The following ERMN variants were observed in gnomAD, a reference collection of about 807,000 sequenced individuals.
ERMN encodes ermin.
A neutral mutation model predicts 21.4 loss-of-function variants in ERMN; 17 were observed. The ratio of observed to expected loss-of-function variants is 0.80; its 90% CI spans 0.54 to 1.19. The LOEUF (loss-of-function observed/expected upper bound fraction) is 1.19, where lower values mean the gene tolerates loss of function less well. Among genes scored for constraint, ERMN ranks in the 50% most tolerant of loss-of-function variants. The pLI is 0.00. For synonymous variants in ERMN, 115 were observed against 111.9 expected (o/e 1.03, Z -0.17); for missense variants, 348 against 331.6 (o/e 1.05, Z -0.38).
At chr2:157,324,411 T>C (rs1437026750) in intron 2 of ERMN, 1 of 424,460 alleles carries the variant, frequency 2.4e-6, no homozygotes, top group Non-Finnish European at 4.2e-6. Context: ...TGGACTAACT[T>C]AAGAGATAGA....
chr2:157,326,027 A>G, upstream of ERMN: 1 of 853,230 alleles, frequency 1.2e-6, no homozygotes, highest in East Asian at 7.6e-5. Flanking sequence ...CCCCTCTGGG[A>G]ACAGAGATTT....
intron 1 of ERMN, 86 bp from the exon 2 acceptor site, chr2:157,324,848 T>C (rs1558914886): frequency 1.1e-6 from 1 of 874,388 alleles, no homozygotes; most frequent in Non-Finnish European, 1.7e-6. Flanking sequence ...AAACTCTAGG[T>C]AGAAGTCTTT....
At position 157,325,568 on chromosome 2, in the gene ERMN, T is replaced by C. The variant is rs770469278; in HGVS notation, c.75A>G (p.Thr25=). ...GDKPPENGQQ[T]ITKISEELTD... The stretch of plus-strand genomic sequence containing the variant: ...TCAATTCCTCACTGATTTTAGTGAT[T>C]GTTTGTTGACCGTTTTCAGGTGGTT... Residue 25 remains threonine, a synonymous_variant, in exon 1 of 3, where the codon ACA becomes ACG. Coordinates refer to ENST00000410096, the MANE Select transcript of ERMN (RefSeq NM_020711.3). 1.9e-6 allele frequency: 3 copies of C among 1,614,164 alleles called. No individual in the cohort carries two copies. Among genetic ancestry groups the C allele is most frequent in the Non-Finnish European group, 2.5e-6 (3 of 1,180,024 alleles).
chr2:157,324,779 A>T lies in ERMN; in HGVS notation c.242-17T>A. 1.3e-6 allele frequency: 2 copies of T among 1,543,584 alleles called. No individual in the cohort carries two copies. The highest frequency in any genetic ancestry group is 1.8e-6 in the Non-Finnish European group (2 of 1,124,926). On this transcript the variant is annotated splice_polypyrimidine_tract_variant and intron_variant, in intron 1 of 2. Coordinates refer to ENST00000410096, the MANE Select transcript of ERMN (RefSeq NM_020711.3). ...CTGGGTTTTCTAGGAAAAAAATATA[A>T]AATCAGTATTTTAACATTTAAAATA...
At chr2:157,325,104 A>C (rs915208754) in intron 1 of ERMN, 3 of 541,472 alleles carry the variant, frequency 5.5e-6, no homozygotes, top group African/African-American at 3.8e-5. Flanking sequence ...TAATAAATAC[A>C]GTAGTTAACA....
upstream of ERMN, among the ~76,000 whole-genome samples, chr2:157,326,538 C>T (rs531876696): frequency 9.2e-5 from 14 of 152,328 alleles, no homozygotes; most frequent in Non-Finnish European, 1.9e-4. Context: ...CTATTCCATA[C>T]TGATATTACA....
chr2:157,321,856 T>C (rs1683917450), intron 2 of ERMN, 65 bp from the exon 3 acceptor site: 2 of 1,366,612 alleles, frequency 1.5e-6, no homozygotes, highest in South Asian at 2.8e-5. Flanking sequence ...CATTAGTCTG[T>C]TATTCTCCAA....
Position 157,325,720 on chromosome 2 carries a change from T to C in ERMN, c.-78A>G. On this transcript the variant is annotated 5_prime_UTR_variant, in exon 1 of 3. Transcript: ENST00000410096. ...TAGATCCTTGATAAGATACCTGCTC[T>C]TGCCTTCAAGTCCTATAGTTCCAAC... 1 of 1,601,898 alleles carries C rather than the reference T, an allele frequency of 6.2e-7. No individual in the cohort carries two copies. The highest frequency in any genetic ancestry group is 8.5e-7 in the Non-Finnish European group (1 of 1,172,190).
In ERMN at chr2:157,325,329, T is replaced by C. The variant is rs183717097; in HGVS notation, c.241+73A>G. Reference sequence around the variant, plus strand: ...TGGGGTGTCCAGCTCATTTCGATAATAGTTTATCAAAAAAATCCAGGGTAA... The same window carrying C: ...TGGGGTGTCCAGCTCATTTCGATAACAGTTTATCAAAAAAATCCAGGGTAA... On this transcript the variant is annotated intron_variant, in intron 1 of 2. Transcript: ENST00000410096. 2.3e-5 allele frequency: 36 copies of C among 1,592,666 alleles called. No homozygotes were observed. In the Admixed American group the frequency reaches 2.5e-4, roughly 11 times the overall value.
chr2:157,321,169 C>G lies in ERMN; in HGVS notation c.*102G>C, dbSNP rs1683881251. 1 of 1,475,798 alleles carries G rather than the reference C, an allele frequency of 6.8e-7. No individual in the cohort carries two copies. The highest frequency in any genetic ancestry group is 9.0e-7 in the Non-Finnish European group (1 of 1,112,726). 91.4% of individuals were successfully genotyped at this position (1,475,798 alleles called of 1,614,324 possible). ...GAAAAAGAGAGTCAACTTCCACCTC[C>G]CTCCAAGTGATAACTCAAATAAGGC... is the stretch of plus-strand genomic sequence containing the variant. On this transcript the variant is annotated 3_prime_UTR_variant, in exon 3 of 3. Coordinates refer to ENST00000410096, the MANE Select transcript of ERMN (RefSeq NM_020711.3).
upstream of ERMN, chr2:157,327,339 T>G (rs1313237321): frequency 4.5e-6 from 3 of 660,046 alleles, no homozygotes; most frequent in Non-Finnish European, 8.4e-6. Context: ...TCCCGCGTCA[T>G]CACCAGCTGT....
chr2:157,319,465 G>A lies in ERMN; in HGVS notation c.*1806C>T, dbSNP rs1310474632. ...CTCTTGATGGTAGGTTAAAAACATG[G>A]TCCTGTTATGTGATAGATAACACAA... is the stretch of plus-strand genomic sequence containing the variant. On this transcript the variant is annotated 3_prime_UTR_variant, in exon 3 of 3. Transcript: ENST00000410096. The A allele has an allele frequency of 6.6e-6, 1 of 152,086 alleles. No individual in the cohort carries two copies. The highest frequency in any genetic ancestry group is 1.5e-5 in the Non-Finnish European group (1 of 68,018). The allele number at this position is 152,086 out of a possible 1,614,324, so 9.4% of individuals were successfully genotyped here.
chr2:157,323,580 C>T (rs1306951826), intron 2 of ERMN, among the ~76,000 whole-genome samples: 2 of 152,170 alleles, frequency 1.3e-5, no homozygotes, highest in African/African-American at 2.4e-5. Context: ...ATAGTCTCTT[C>T]AATATTTTGC....
At chr2:157,321,871 T>C in intron 2 of ERMN, 80 bp from the exon 3 acceptor site, 1 of 1,259,802 alleles carries the variant, frequency 7.9e-7, no homozygotes, top group South Asian at 1.5e-5. Flanking sequence ...CTCCAAATAA[T>C]TTTTCTTGCT....
chr2:157,323,188 A>G (rs1243390597), intron 2 of ERMN, among the ~76,000 whole-genome samples: 2 of 152,178 alleles, frequency 1.3e-5, no homozygotes, highest in East Asian at 3.9e-4. Flanking sequence ...GCCTGCTTTC[A>G]TTCTCCATTT....
In ERMN at chr2:157,321,362, T is replaced by A. The variant is rs1683890321; in HGVS notation, c.764A>T (p.Tyr255Phe). 6.2e-7 allele frequency: 1 copy of A among 1,614,060 alleles called. No homozygotes were observed. Among genetic ancestry groups the A allele is most frequent in the Admixed American group, 1.7e-5 (1 of 60,002 alleles). The change falls in exon 3 of 3, where the codon TAT (tyrosine) becomes TTT (phenylalanine). Residue 255 changes from tyrosine to phenylalanine, a missense_variant. By Grantham distance (22) the Tyr-to-Phe change is conservative. Transcript: ENST00000410096. ...ATAGGATATTGTATTGTATCTGGAATAAGCATTTCTGGAGATATCACTCTT... is the reference window on the plus strand; with the variant it reads ...ATAGGATATTGTATTGTATCTGGAAAAAGCATTTCTGGAGATATCACTCTT... Reference protein sequence around the residue: ...GKKSDISRNAYSRYNTISYRK... With the variant: ...GKKSDISRNAFSRYNTISYRK...
At chr2:157,326,348 A>G (rs1009369284), upstream of ERMN, among the ~76,000 whole-genome samples, 4 of 152,246 alleles carry the variant, frequency 2.6e-5, no homozygotes, top group African/African-American at 9.6e-5. Flanking sequence ...GGACCTATGA[A>G]ATAAACAAAT....
rs1683870023 is a variant in ERMN, at chr2:157,320,829, A to T, written c.*442T>A. The T allele has an allele frequency of 6.4e-6, 1 of 155,064 alleles. No homozygotes were observed. 9.6% of individuals were successfully genotyped at this position (155,064 alleles called of 1,614,324 possible). A position where few individuals can be genotyped will look rare whatever the true frequency, so the allele number is the denominator to read the frequency against. Reference sequence around the variant, plus strand: ...CCAGAGTCTGCAAAATCAAGTTTAAAAGTAAGAGAGGTTTTAATACCAGAC... The same window carrying T: ...CCAGAGTCTGCAAAATCAAGTTTAATAGTAAGAGAGGTTTTAATACCAGAC... On this transcript the variant is annotated 3_prime_UTR_variant, in exon 3 of 3. Coordinates refer to ENST00000410096, the MANE Select transcript of ERMN (RefSeq NM_020711.3).
intron 2 of ERMN, chr2:157,324,320 A>G: frequency 4.4e-6 from 1 of 225,764 alleles, no homozygotes; most frequent in Admixed American, 6.0e-5. Flanking sequence ...TTTAGGAAAG[A>G]CCCGTTTTTG....
Sources: gnomAD v4.1 joint callset for allele counts (sites outside exome capture counted in the v4.1 genomes callset) on GRCh38, gnomAD v4.1.1 for gene constraint, MANE v1.5 for transcripts, NCBI Gene and HGNC (gene_info 2026-07-23, HGNC 2026-07-21) for gene names.